OSBP2: variants seen among roughly 807,000 people sequenced by gnomAD.
OSBP2 encodes the protein oxysterol binding protein 2.
OSBP2 carries 66 observed loss-of-function variants against 96.0 expected under a neutral mutation model. The observed-to-expected ratio is 0.69, with a 90% CI of 0.56 to 0.84. The LOEUF (loss-of-function observed/expected upper bound fraction) is 0.84, where lower values mean the gene tolerates loss of function less well. Ranked by LOEUF, OSBP2 falls within the 40% of genes least tolerant of loss-of-function variation. OSBP2 has a pLI of 0.00. For synonymous variants in OSBP2, 525 were observed against 520.9 expected, an observed-to-expected ratio of 1.01 and a Z score of -0.11; for missense variants, 1,038 against 1,222.7, an observed-to-expected ratio of 0.85 and a Z score of 2.25.
chr22:30,753,868 G>C (rs908779242), intron 2 of OSBP2, among the ~76,000 whole-genome samples: 11 of 152,218 alleles, frequency 7.2e-5, no homozygotes, highest in Non-Finnish European at 1.6e-4. Flanking sequence ...ATGTCCTGTA[G>C]AATGCCCTGG....
chr22:30,738,289 G>A (rs1283414593), intron 1 of OSBP2, among the ~76,000 whole-genome samples: 1 of 151,992 alleles, frequency 6.6e-6, no homozygotes, highest in Non-Finnish European at 1.5e-5. Context: ...TTATTTCTGA[G>A]CTAAGCCATA....
At chr22:30,895,615 G>A (rs564074516) in intron 12 of OSBP2, among the ~76,000 whole-genome samples, 4 of 152,214 alleles carry the variant, frequency 2.6e-5, no homozygotes, top group East Asian at 1.9e-4. Context: ...ACGCAGCCTC[G>A]GAAGTTTTGC....
chr22:30,786,128 A>T (rs1333193248), intron 2 of OSBP2, among the ~76,000 whole-genome samples: 1 of 151,930 alleles, frequency 6.6e-6, no homozygotes, highest in Non-Finnish European at 1.5e-5. Flanking sequence ...GGTTCAAGCA[A>T]TTCTCCTGTC....
intron 3 of OSBP2, among the ~76,000 whole-genome samples, chr22:30,874,843 A>G (rs548459098): frequency 9.8e-4 from 149 of 152,228 alleles, no homozygotes; most frequent in African/African-American, 3.5e-3. Flanking sequence ...GGACATCACC[A>G]TGGCTTTCCA....
intron 2 of OSBP2, among the ~76,000 whole-genome samples, chr22:30,744,236 G>C (rs1602205124): frequency 6.6e-6 from 1 of 152,194 alleles, no homozygotes; most frequent in South Asian, 2.1e-4. Flanking sequence ...TGATGTGAGA[G>C]AGTTGTGGTT....
intron 1 of OSBP2, among the ~76,000 whole-genome samples, chr22:30,730,751 T>A (rs1181717533): frequency 6.8e-5 from 3 of 44,216 alleles, no homozygotes; most frequent in Admixed American, 2.6e-4. Flanking sequence ...TCTCTCTCTC[T>A]CTCTCTCTCT....
At chr22:30,730,774 C>CTCTCTATATA (rs1569100458) in intron 1 of OSBP2, among the ~76,000 whole-genome samples, 2 of 13,836 alleles carry the variant, frequency 1.4e-4, no homozygotes, top group African/African-American at 2.9e-4. Context: ...CTCTCTCTCT[C>CTCTCTATATA]TATATATATA....
chr22:30,781,545 A>C (rs2090519486), intron 2 of OSBP2, among the ~76,000 whole-genome samples: 1 of 152,130 alleles, frequency 6.6e-6, no homozygotes, highest in African/African-American at 2.4e-5. Flanking sequence ...TGCGATCACA[A>C]ATGGAATCCT....
intron 2 of OSBP2, among the ~76,000 whole-genome samples, chr22:30,837,079 C>T (rs1455004116): frequency 1.3e-5 from 2 of 151,902 alleles, no homozygotes; most frequent in East Asian, 1.9e-4. Flanking sequence ...GGCGAAACCC[C>T]ATCTCTACAA....
At chr22:30,847,578 C>A (rs905864425) in intron 2 of OSBP2, among the ~76,000 whole-genome samples, 8 of 152,158 alleles carry the variant, frequency 5.3e-5, no homozygotes, top group Admixed American at 2.6e-4. Flanking sequence ...CCGTGCCCAG[C>A]CTAATTCTTA....
intron 1 of OSBP2, among the ~76,000 whole-genome samples, chr22:30,697,935 C>A (rs2089079131): frequency 6.6e-6 from 1 of 152,176 alleles, no homozygotes; most frequent in South Asian, 2.1e-4. Context: ...GGCTGTGTGT[C>A]CGAATGCCAC....
At chr22:30,812,517 A>G (rs1440742884) in intron 2 of OSBP2, among the ~76,000 whole-genome samples, 12 of 152,202 alleles carry the variant, frequency 7.9e-5, no homozygotes, top group Admixed American at 7.2e-4. Context: ...AATGTATTTA[A>G]TCATTTTCCT....
chr22:30,779,961 C>T (rs1319409324), intron 2 of OSBP2, among the ~76,000 whole-genome samples: 3 of 152,304 alleles, frequency 2.0e-5, no homozygotes, highest in South Asian at 2.1e-4. Context: ...CTGTCTGTTG[C>T]CCCTTGGTGT....
At chr22:30,694,427 G>A, upstream of OSBP2, 1 of 1,415,742 alleles carries the variant, frequency 7.1e-7, no homozygotes, top group Non-Finnish European at 9.3e-7. Flanking sequence ...GCCTCTGGGT[G>A]CCGTACCTGC....
intron 1 of OSBP2, among the ~76,000 whole-genome samples, chr22:30,717,090 T>TTTGTG (rs71328866): frequency 1.1e-4 from 13 of 118,414 alleles, no homozygotes; most frequent in African/African-American, 3.2e-4. Context: ...TTTACTGTTT[T>TTTGTG]TGTGTGTGTG....
In OSBP2 at chr22:30,890,101, G is replaced by T. The variant is rs752704853; in HGVS notation, c.1623+465G>T. Among the ~76,000 whole-genome samples, 40 of 152,326 alleles carry T rather than the reference G, an allele frequency of 2.6e-4. No homozygotes were observed. The highest frequency in any genetic ancestry group is 3.9e-4 in the Admixed American group (6 of 15,302). On this transcript the variant is annotated intron_variant, in intron 7 of 13. Coordinates refer to ENST00000332585, the MANE Select transcript of OSBP2 (RefSeq NM_030758.4). The surrounding 1 kb of genome is among the most constrained non-coding windows in gnomAD (Gnocchi z 4.4). ...CATCTCCACTAGGCCAGACGGTTCT[G>T]CTGTGTGACCCAGAACAAGTTCCTT... is the stretch of plus-strand genomic sequence containing the variant.
chr22:30,880,117 C>T (rs983230777), intron 3 of OSBP2, among the ~76,000 whole-genome samples: 3 of 152,176 alleles, frequency 2.0e-5, no homozygotes, highest in African/African-American at 7.2e-5. Context: ...CCTGTTACTC[C>T]AGTGAGTCCC....
chr22:30,868,149 C>T (rs2039383979), intron 2 of OSBP2, among the ~76,000 whole-genome samples: 1 of 152,226 alleles, frequency 6.6e-6, no homozygotes, highest in South Asian at 2.1e-4. Context: ...CAGCCTGGCA[C>T]CCGGAAAGGT....
chr22:30,801,606 C>T (rs2090852327), intron 2 of OSBP2, among the ~76,000 whole-genome samples: 1 of 152,192 alleles, frequency 6.6e-6, no homozygotes, highest in African/African-American at 2.4e-5. Context: ...AGCGGGAGCT[C>T]ACCAAATGGT....
Sources: allele counts gnomAD v4.1 joint callset (sites outside exome capture counted in the v4.1 genomes callset), GRCh38; gene constraint gnomAD v4.1.1; non-coding constraint Gnocchi (gnomAD v3.1); transcripts MANE v1.5; gene names NCBI Gene and HGNC (gene_info 2026-07-23, HGNC 2026-07-21).